The following EPM2A variants were observed in gnomAD, a reference collection of about 807,000 sequenced individuals.
The protein encoded by EPM2A is laforin.
Under a neutral mutation model 26.5 loss-of-function variants are expected in EPM2A, and 21 were observed. The observed-to-expected ratio is 0.79, with a 90% confidence interval of 0.56 to 1.14. EPM2A has a LOEUF of 1.14. Among genes scored for constraint, EPM2A ranks in the 50% most tolerant of loss-of-function variants. The pLI is 0.00. For missense variants in EPM2A, 458 were observed against 440.8 expected (o/e 1.04, Z -0.35); for synonymous variants, 217 against 177.6 (o/e 1.22, Z -1.76).
In EPM2A at chr6:145,588,628, C is replaced by T. The variant is rs140661672; in HGVS notation, c.340+46617G>A. The stretch of plus-strand genomic sequence containing the variant: ...CATACATGCATTGTATAAAAACACT[C>T]CCATTTTGTCAATATAAAATCATCA... On this transcript the variant is annotated intron_variant, in intron 2 of 3. Coordinates refer to the EPM2A transcript ENST00000450221. Among the ~76,000 whole-genome samples, 41 of 152,290 alleles carry T rather than the reference C, an allele frequency of 2.7e-4. No homozygotes were observed. In the East Asian group the frequency reaches 7.7e-3, roughly 29 times the overall value.
chr6:145,726,837 T>G (rs1776235662), intron 1 of EPM2A, among the ~76,000 whole-genome samples: 4 of 152,094 alleles, frequency 2.6e-5, no homozygotes, highest in Non-Finnish European at 5.9e-5. Context: ...AGAGAAAAAG[T>G]ATGTTAAGTA....
intron 3 of EPM2A, 112 bp from the exon 4 acceptor site, chr6:145,627,805 G>T: frequency 6.9e-7 from 1 of 1,451,038 alleles, no homozygotes; most frequent in Non-Finnish European, 9.3e-7. Context: ...GCCAGGCAGG[G>T]ATACGAGAGT....
At chr6:145,661,673 G>A (rs1778719450) in intron 2 of EPM2A, among the ~76,000 whole-genome samples, 1 of 152,068 alleles carries the variant, frequency 6.6e-6, no homozygotes, top group Non-Finnish European at 1.5e-5. Context: ...TTTGAAACTA[G>A]GCATATGAAT....
At position 145,589,367 on chromosome 6, in the gene EPM2A, G is replaced by T. The variant is rs114894764; in HGVS notation, c.340+45878C>A. Among the ~76,000 whole-genome samples the T allele has an allele frequency of 5.0e-3, 761 of 152,092 alleles. 4 individuals carry two copies. Among genetic ancestry groups the T allele is most frequent in the African/African-American group, 0.018 (741 of 41,502 alleles). On this transcript the variant is annotated intron_variant, in intron 2 of 3. Coordinates refer to the EPM2A transcript ENST00000450221. ...TTATTGAAATGGGCTGAGTATCATT[G>T]CTGGGGAATGTGCACAAGGTATATT...
chr6:145,513,218 A>G (rs1438684532), intron 2 of EPM2A, among the ~76,000 whole-genome samples: 2 of 152,230 alleles, frequency 1.3e-5, no homozygotes, highest in Non-Finnish European at 2.9e-5. Flanking sequence ...AGAAAAAAAC[A>G]AACAACTTCA....
intron 2 of EPM2A, among the ~76,000 whole-genome samples, chr6:145,618,702 A>G (rs1366786774): frequency 6.6e-6 from 1 of 152,234 alleles, no homozygotes; most frequent in Non-Finnish European, 1.5e-5. Context: ...CTAAACTGTG[A>G]GTCAATTAAA....
intron 4 of EPM2A, among the ~76,000 whole-genome samples, chr6:145,461,664 AAAAT>A (rs1283639962): frequency 6.6e-6 from 1 of 152,192 alleles, no homozygotes; most frequent in African/African-American, 2.4e-5. Context: ...AGAGAAAGGA[AAAAT>A]AAATAAAGTC....
At chr6:145,715,693 C>T (rs735535) in intron 1 of EPM2A, among the ~76,000 whole-genome samples, 82,113 of 151,130 alleles carry the variant, frequency 0.54, 22,822 homozygotes, top group East Asian at 0.74. Flanking sequence ...ACAGTAGATT[C>T]TCATAGGAGT....
chr6:145,410,754 C>T (rs1351191751), intron 4 of EPM2A, among the ~76,000 whole-genome samples: 1 of 152,140 alleles, frequency 6.6e-6, no homozygotes. Context: ...AGACAATATG[C>T]TTGCTGAGAC....
chr6:145,500,722 T>A (rs1050998422), downstream of EPM2A, among the ~76,000 whole-genome samples: 1 of 152,188 alleles, frequency 6.6e-6, no homozygotes, highest in African/African-American at 2.4e-5. Flanking sequence ...TCTTACCTTC[T>A]ATGAATGAGC....
intron 3 of EPM2A, chr6:145,631,399 C>T (rs1776240602): frequency 6.6e-6 from 1 of 152,056 alleles, no homozygotes; most frequent in African/African-American, 2.4e-5. Flanking sequence ...GTATTCCAAA[C>T]TTTAAATGCT....
At chr6:145,518,758 T>G (rs1780165426) in intron 2 of EPM2A, among the ~76,000 whole-genome samples, 1 of 152,170 alleles carries the variant, frequency 6.6e-6, no homozygotes, top group Admixed American at 6.5e-5. Context: ...ATCCCGCTTC[T>G]ATTCCTGCCC....
chr6:145,669,285 G>A (rs1294054632), intron 2 of EPM2A, among the ~76,000 whole-genome samples: 1 of 152,090 alleles, frequency 6.6e-6, no homozygotes, highest in Admixed American at 6.6e-5. Context: ...ATAGAAATAG[G>A]TAACAGCAGA....
rs563835932 is a variant in EPM2A, at chr6:145,625,822, C to T, written c.*1594G>A. 16 of 1,548,574 alleles carry T rather than the reference C, an allele frequency of 1.0e-5. No individual in the cohort carries two copies. The highest frequency in any genetic ancestry group is 1.2e-5 in the Non-Finnish European group (14 of 1,142,380). ...ACTTACCTTGTATCCTTCTTGTCCC[C>T]CACGCCTTCTAAATAAGAGTCTCTT... On this transcript the variant is annotated 3_prime_UTR_variant, in exon 4 of 4. Transcript: ENST00000367519.
intron 4 of EPM2A, among the ~76,000 whole-genome samples, chr6:145,432,324 A>C (rs1778932644): frequency 6.6e-6 from 1 of 152,168 alleles, no homozygotes; most frequent in Admixed American, 6.5e-5. Context: ...GGCAGCTATC[A>C]CCTTATAAAT....
chr6:145,608,416 T>TC (rs1775315828), intron 2 of EPM2A, among the ~76,000 whole-genome samples: 1 of 152,168 alleles, frequency 6.6e-6, no homozygotes, highest in South Asian at 2.1e-4. Flanking sequence ...TTTCATTAAT[T>TC]CCCCCTTAAT....
intron 1 of EPM2A, among the ~76,000 whole-genome samples, chr6:145,723,433 C>T (rs139747038): frequency 4.6e-5 from 7 of 152,110 alleles, no homozygotes; most frequent in African/African-American, 1.7e-4. Flanking sequence ...TGCATACACA[C>T]AGAACACAAA....
chr6:145,405,377 A>G (rs1245894706), intron 4 of EPM2A, among the ~76,000 whole-genome samples: 3 of 152,198 alleles, frequency 2.0e-5, no homozygotes, highest in South Asian at 2.1e-4. Flanking sequence ...GTTACGTCAT[A>G]TAATTACCAG....
At chr6:145,511,110 C>T (rs187201141) in intron 2 of EPM2A, among the ~76,000 whole-genome samples, 7 of 151,680 alleles carry the variant, frequency 4.6e-5, no homozygotes, top group Admixed American at 4.6e-4. Context: ...AAACACCTAC[C>T]AATCAGAAAA....
Sources: allele counts gnomAD v4.1 joint callset (sites outside exome capture counted in the v4.1 genomes callset), GRCh38; gene constraint gnomAD v4.1.1; transcripts MANE v1.5; gene names NCBI Gene and HGNC (gene_info 2026-07-23, HGNC 2026-07-21).